The following TANGO6 variants were observed in gnomAD, a reference collection of about 807,000 sequenced individuals.
The protein encoded by TANGO6 is transport and golgi organization 6 homolog.
Under a neutral mutation model 114.2 loss-of-function variants are expected in TANGO6, and 90 were observed. The ratio of observed to expected loss-of-function variants is 0.79; its 90% CI spans 0.66 to 0.94. The LOEUF (loss-of-function observed/expected upper bound fraction) is 0.94, where lower values mean the gene tolerates loss of function less well. Ranked by LOEUF, TANGO6 falls within the 40% of genes least tolerant of loss-of-function variation. TANGO6 has a pLI of 0.00. For synonymous variants in TANGO6, 477 were observed against 509.8 expected, an observed-to-expected ratio of 0.94 and a Z score of 0.87; for missense variants, 1,274 against 1,315.3, an observed-to-expected ratio of 0.97 and a Z score of 0.49.
At chr16:69,040,526 T>C (rs1959756609) in intron 17 of TANGO6, 105 bp downstream of exon 17, 3 of 881,608 alleles carry the variant, frequency 3.4e-6, no homozygotes, top group Non-Finnish European at 5.4e-6. Context: ...CCTCGATGGA[T>C]TCATCCAAAT....
At chr16:68,979,101 A>G (rs1005237200) in intron 15 of TANGO6, among the ~76,000 whole-genome samples, 8 of 151,776 alleles carry the variant, frequency 5.3e-5, no homozygotes, top group Non-Finnish European at 1.2e-4. Context: ...TAAATTTTTT[A>G]TAGAGATGGG....
chr16:68,893,581 C>T (rs1278078061), intron 7 of TANGO6, among the ~76,000 whole-genome samples: 1 of 151,584 alleles, frequency 6.6e-6, no homozygotes, highest in East Asian at 1.9e-4. Context: ...ACTAAAAATA[C>T]AAAAATTAGC....
intron 9 of TANGO6, among the ~76,000 whole-genome samples, chr16:68,905,360 A>G (rs1386710268): frequency 6.6e-6 from 1 of 151,466 alleles, no homozygotes. Context: ...ACATGGTGAA[A>G]CCCTGTCTCT....
At chr16:68,969,919 G>T (rs867678910) in intron 14 of TANGO6, among the ~76,000 whole-genome samples, 1 of 152,072 alleles carries the variant, frequency 6.6e-6, no homozygotes, top group Non-Finnish European at 1.5e-5. Context: ...CTCTGTGTTG[G>T]TGTCATTCTT....
intron 1 of TANGO6, among the ~76,000 whole-genome samples, chr16:68,846,201 CT>C (rs1268264415): frequency 1.3e-5 from 2 of 151,620 alleles, no homozygotes; most frequent in Non-Finnish European, 2.9e-5. Context: ...ATTTTTTGTA[CT>C]TTTAATAGAG....
chr16:68,952,064 C>G (rs997928352), intron 14 of TANGO6, among the ~76,000 whole-genome samples: 1 of 152,152 alleles, frequency 6.6e-6, no homozygotes, highest in South Asian at 2.1e-4. Flanking sequence ...GTCACAAAGG[C>G]AGGATTCATG....
chr16:69,029,718 A>T (rs1156891322), intron 16 of TANGO6, among the ~76,000 whole-genome samples: 2 of 152,154 alleles, frequency 1.3e-5, no homozygotes, highest in Non-Finnish European at 2.9e-5. Context: ...TCTAGTAAAG[A>T]CATTTTATTT....
At chr16:69,002,919 A>G (rs748761327) in intron 15 of TANGO6, among the ~76,000 whole-genome samples, 1 of 151,794 alleles carries the variant, frequency 6.6e-6, no homozygotes, top group South Asian at 2.1e-4. Context: ...GCACACACCT[A>G]TAGTCCCAGC....
chr16:68,931,583 C>T (rs551143118), intron 14 of TANGO6, among the ~76,000 whole-genome samples: 1 of 152,284 alleles, frequency 6.6e-6, no homozygotes, highest in Non-Finnish European at 1.5e-5. Context: ...AAATGAAGGA[C>T]TGATACATGC....
intron 7 of TANGO6, among the ~76,000 whole-genome samples, chr16:68,899,078 G>T (rs1962749375): frequency 6.6e-6 from 1 of 151,688 alleles, no homozygotes; most frequent in Non-Finnish European, 1.5e-5. Context: ...TTCGAGACCA[G>T]CCTGAACAAC....
At chr16:68,923,029 C>A (rs1239512320) in intron 12 of TANGO6, among the ~76,000 whole-genome samples, 1 of 146,758 alleles carries the variant, frequency 6.8e-6, no homozygotes, top group African/African-American at 2.5e-5. Flanking sequence ...CTCACCGCAA[C>A]CTCCGCCCGC....
intron 12 of TANGO6, among the ~76,000 whole-genome samples, chr16:68,923,034 G>A (rs749449735): frequency 1.5e-5 from 2 of 130,120 alleles, no homozygotes; most frequent in Middle Eastern, 4.3e-3. Flanking sequence ...CGCAACCTCC[G>A]CCCGCTGGGT....
intron 17 of TANGO6, among the ~76,000 whole-genome samples, chr16:69,077,045 A>AT (rs111623006): frequency 0.037 from 5,294 of 144,892 alleles, 214 homozygotes; most frequent in African/African-American, 0.094. Flanking sequence ...ATTATTACGA[A>AT]TTTTTTTTTT....
At chr16:68,989,155 G>A (rs745494519) in intron 15 of TANGO6, among the ~76,000 whole-genome samples, 1 of 152,094 alleles carries the variant, frequency 6.6e-6, no homozygotes, top group Non-Finnish European at 1.5e-5. Context: ...GAGCTACCAC[G>A]CCCAGCCCAT....
intron 7 of TANGO6, among the ~76,000 whole-genome samples, chr16:68,895,971 CAGTGTCTCACTCTGTCACCCAGGCTGG>C (rs60351118): frequency 2.9e-3 from 411 of 141,324 alleles, no homozygotes; most frequent in African/African-American, 8.6e-3. Context: ...TTTTTTGAGA[CAGTGTCTCACTCTGTCACCCAGGCTGG>C]AGTGTCTCAC....
At chr16:68,967,108 G>A (rs1011815654) in intron 14 of TANGO6, among the ~76,000 whole-genome samples, 7 of 152,136 alleles carry the variant, frequency 4.6e-5, no homozygotes, top group African/African-American at 1.7e-4. Flanking sequence ...TAGAGATGGG[G>A]TCTGGCTGTG....
At chr16:68,866,980 T>A in intron 3 of TANGO6, 99 bp from the exon 4 acceptor site, 3 of 413,572 alleles carry the variant, frequency 7.3e-6, no homozygotes, top group Non-Finnish European at 1.1e-5. Context: ...TTCTCCTTTT[T>A]TTTTTTTTTT....
intron 15 of TANGO6, among the ~76,000 whole-genome samples, chr16:69,014,951 A>G (rs951118001): frequency 6.6e-6 from 1 of 152,146 alleles, no homozygotes; most frequent in Non-Finnish European, 1.5e-5. Flanking sequence ...TAGGATCTTA[A>G]AATTCAATGC....
chr16:69,053,675 T>C (rs778021207), intron 17 of TANGO6, among the ~76,000 whole-genome samples: 15 of 152,156 alleles, frequency 9.9e-5, no homozygotes, highest in Non-Finnish European at 2.1e-4. Context: ...ACTAGAGGAC[T>C]TTATAAGAGG....
Sources: allele counts gnomAD v4.1 joint callset (sites outside exome capture counted in the v4.1 genomes callset), GRCh38; gene constraint gnomAD v4.1.1; transcripts MANE v1.5; gene names NCBI Gene and HGNC (gene_info 2026-07-23, HGNC 2026-07-21).